PXDNL: variants seen among roughly 807,000 people sequenced by gnomAD.
The protein encoded by PXDNL is peroxidasin like, also known as probable oxidoreductase PXDNL.
PXDNL carries 145 observed loss-of-function variants against 150.8 expected under a neutral mutation model. The observed-to-expected ratio is 0.96, with a 90% confidence interval of 0.84 to 1.10. PXDNL has a LOEUF of 1.10. Among genes scored for constraint, PXDNL ranks in the 50% least tolerant of loss-of-function variants. The pLI, the probability that PXDNL is intolerant of heterozygous loss-of-function variation, is 0.00. For synonymous variants in PXDNL, 757 were observed against 725.7 expected, an observed-to-expected ratio of 1.04 and a Z score of -0.69; for missense variants, 2,087 against 1,873.9, an observed-to-expected ratio of 1.11 and a Z score of -2.10.
At chr8:51,473,163 A>G (rs1225388923) in intron 7 of PXDNL, among the ~76,000 whole-genome samples, 2 of 152,074 alleles carry the variant, frequency 1.3e-5, no homozygotes, top group African/African-American at 2.4e-5. Context: ...AAAAAATTCA[A>G]CGTCAGTTAT....
intron 2 of PXDNL, among the ~76,000 whole-genome samples, chr8:51,619,893 A>C (rs1814208243): frequency 6.6e-6 from 1 of 152,088 alleles, no homozygotes; most frequent in South Asian, 2.1e-4. Flanking sequence ...CCAGCTGCTC[A>C]TTTTTCATCA....
intron 2 of PXDNL, among the ~76,000 whole-genome samples, chr8:51,630,147 T>C (rs563922917): frequency 8.6e-5 from 13 of 152,014 alleles, no homozygotes; most frequent in Non-Finnish European, 1.3e-4. Flanking sequence ...TTACAATCAA[T>C]TGATCTTAGA....
At chr8:51,349,193 G>A (rs1255962244) in intron 19 of PXDNL, among the ~76,000 whole-genome samples, 4 of 150,980 alleles carry the variant, frequency 2.6e-5, no homozygotes, top group Non-Finnish European at 4.4e-5. Flanking sequence ...GTGTGTGTGT[G>A]AATCTTCCCA....
intron 1 of PXDNL, among the ~76,000 whole-genome samples, chr8:51,663,595 G>A (rs1156477115): frequency 6.6e-6 from 1 of 152,170 alleles, no homozygotes; most frequent in East Asian, 1.9e-4. Flanking sequence ...TGAAAGTAAG[G>A]AGAACATTGC....
chr8:51,551,151 A>C (rs1414766911), intron 4 of PXDNL, among the ~76,000 whole-genome samples: 1 of 152,148 alleles, frequency 6.6e-6, no homozygotes, highest in African/African-American at 2.4e-5. Context: ...AACAGAAACT[A>C]AAAAATGCTG....
rs2037711418 is a variant in PXDNL at position 51,809,377 on chromosome 8, A to C, written c.-33T>G. On this transcript the variant is annotated 5_prime_UTR_variant, in exon 1 of 23. Coordinates refer to ENST00000356297, the MANE Select transcript of PXDNL (RefSeq NM_144651.5). ...TTCGCTGCTGGCCACGCGAAGAAGC[A>C]GCCGGAGGGAGAGCAGCAGCTGCAG... 6.7e-7 allele frequency: 1 copy of C among 1,501,426 alleles called. No individual in the cohort carries two copies. The highest frequency in any genetic ancestry group is 8.9e-7 in the Non-Finnish European group (1 of 1,125,100). 93.0% of individuals were successfully genotyped at this position (1,501,426 alleles called of 1,614,324 possible).
chr8:51,522,931 T>C (rs1162851876), intron 4 of PXDNL, among the ~76,000 whole-genome samples: 5 of 152,158 alleles, frequency 3.3e-5, no homozygotes, highest in African/African-American at 9.7e-5. Flanking sequence ...AAATACTTTA[T>C]CTTTGTGGGA....
Position 51,319,996 on chromosome 8 carries a change from C to G in PXDNL, c.4287G>C (p.Glu1429Asp), listed in dbSNP as rs962027039. The G allele has an allele frequency of 5.8e-6, 9 of 1,563,158 alleles. No homozygotes were observed. The highest frequency in any genetic ancestry group is 7.8e-6 in the Non-Finnish European group (9 of 1,155,620). ...CESGQVTCVV[E>D]ICPPAPCPSP... ...TGGGACAGGGAGCCGGGGGACAAAT[C>G]TCCACCACACAGGTGACCTGGCCAC... Residue 1429 changes from glutamate (E) to aspartate (D), a missense_variant, in exon 23 of 23, where the codon GAG becomes GAC. By Grantham distance (45) the Glu-to-Asp change is conservative. Transcript: ENST00000356297.
At chr8:51,403,874 C>G (rs952530594) in intron 17 of PXDNL, among the ~76,000 whole-genome samples, 1 of 152,172 alleles carries the variant, frequency 6.6e-6, no homozygotes, top group African/African-American at 2.4e-5. Context: ...CGGACCCTCA[C>G]GGTGAGTGTT....
chr8:51,563,289 G>A lies in PXDNL; in HGVS notation c.309-6378C>T, dbSNP rs187801910. ...GGTCTGGCACTGTTTGGTTTCTGAA[G>A]TCTCTCTTCCTGGCTCGCAGATAGC... On this transcript the variant is annotated intron_variant, in intron 3 of 22. Coordinates refer to ENST00000356297, the MANE Select transcript of PXDNL (RefSeq NM_144651.5). Among the ~76,000 whole-genome samples the A allele has an allele frequency of 2.1e-3, 323 of 152,084 alleles. 1 individual carries two copies. Among genetic ancestry groups the A allele is most frequent in the South Asian group, 7.3e-3 (35 of 4,826 alleles).
At chr8:51,640,192 T>C (rs1239119849) in intron 2 of PXDNL, among the ~76,000 whole-genome samples, 1 of 152,176 alleles carries the variant, frequency 6.6e-6, no homozygotes, top group Admixed American at 6.5e-5. Context: ...TAGGTATTGA[T>C]GGGACATATC....
intron 1 of PXDNL, among the ~76,000 whole-genome samples, chr8:51,706,310 C>T (rs773268790): frequency 1.2e-4 from 18 of 150,788 alleles, no homozygotes; most frequent in Admixed American, 2.0e-4. Context: ...ATAATGAGAG[C>T]GAAACTCCGT....
At chr8:51,443,213 A>G (rs1166029690) in intron 12 of PXDNL, among the ~76,000 whole-genome samples, 1 of 152,218 alleles carries the variant, frequency 6.6e-6, no homozygotes, top group Non-Finnish European at 1.5e-5. Context: ...AAATATTTGC[A>G]TATAATTATC....
intron 4 of PXDNL, among the ~76,000 whole-genome samples, chr8:51,531,594 G>T (rs1811909173): frequency 6.6e-6 from 1 of 152,208 alleles, no homozygotes; most frequent in Non-Finnish European, 1.5e-5. Context: ...ACAGAGCTCT[G>T]TTGGGTCAGC....
At chr8:51,686,550 T>C (rs1585674051) in intron 1 of PXDNL, among the ~76,000 whole-genome samples, 1 of 152,242 alleles carries the variant, frequency 6.6e-6, no homozygotes, top group Non-Finnish European at 1.5e-5. Flanking sequence ...GCAGCACTCA[T>C]TGAGCAGGAT....
intron 19 of PXDNL, among the ~76,000 whole-genome samples, chr8:51,365,253 T>C (rs1194371855): frequency 6.6e-6 from 1 of 152,166 alleles, no homozygotes; most frequent in Non-Finnish European, 1.5e-5. Flanking sequence ...TACAACAGAC[T>C]TTAAATGCTC....
chr8:51,457,673 A>C lies in PXDNL; in HGVS notation c.813-6T>G, dbSNP rs757912098. On this transcript the variant is annotated splice_region_variant and splice_polypyrimidine_tract_variant and intron_variant, in intron 8 of 22. Coordinates refer to ENST00000356297, the MANE Select transcript of PXDNL (RefSeq NM_144651.5). ...CTTCCAAATCCAATGAGTGGCTGGA[A>C]ATATAGGTTATACATGTATATTATT... is the stretch of plus-strand genomic sequence containing the variant. 13 of 1,608,688 alleles carry C rather than the reference A, an allele frequency of 8.1e-6. No homozygotes were observed. Among genetic ancestry groups the C allele is most frequent in the Non-Finnish European group, 1.0e-5 (12 of 1,175,960 alleles).
intron 1 of PXDNL, among the ~76,000 whole-genome samples, chr8:51,762,827 T>C (rs2037179142): frequency 6.6e-6 from 1 of 152,180 alleles, no homozygotes; most frequent in South Asian, 2.1e-4. Flanking sequence ...AAAATCATTT[T>C]ACAGAGTTTG....
intron 1 of PXDNL, among the ~76,000 whole-genome samples, chr8:51,670,205 C>G (rs983363540): frequency 6.6e-6 from 1 of 151,280 alleles, no homozygotes; most frequent in East Asian, 2.0e-4. Context: ...GCTTGCACTC[C>G]AGCCTGAGCA....
Sources: allele counts gnomAD v4.1 joint callset (sites outside exome capture counted in the v4.1 genomes callset), GRCh38; gene constraint gnomAD v4.1.1; transcripts MANE v1.5; gene names NCBI Gene and HGNC (gene_info 2026-07-23, HGNC 2026-07-21).